Variants in DOCK8 observed in about 807,000 individuals in gnomAD.
DOCK8 encodes the protein dedicator of cytokinesis protein 8.
DOCK8 carries 141 observed loss-of-function variants against 245.6 expected under a neutral mutation model. The ratio of observed to expected loss-of-function variants is 0.57; its 90% confidence interval spans 0.50 to 0.66. The LOEUF is 0.66. Among genes scored for constraint, DOCK8 ranks in the 30% least tolerant of loss-of-function variants. The pLI, the probability that DOCK8 is intolerant of heterozygous loss-of-function variation, is 0.00. For synonymous variants in DOCK8, 1,168 were observed against 970.2 expected, an observed-to-expected ratio of 1.20 and a Z score of -3.79; for missense variants, 2,965 against 2,603.4, an observed-to-expected ratio of 1.14 and a Z score of -3.02.
chr9:464,221 A>AATT lies in DOCK8; in HGVS notation c.*3_*4insTTA. 1 of 1,613,348 alleles carries AATT rather than the reference A, an allele frequency of 6.2e-7. No individual in the cohort carries two copies. Among genetic ancestry groups the AATT allele is most frequent in the Non-Finnish European group, 8.5e-7 (1 of 1,179,246 alleles). ...ACCCAGTTGTCACAGGGCAGCTAAGAAAAGCCATCTTCATTCGTGGAGACT... is the reference window on the plus strand; with the variant it reads ...ACCCAGTTGTCACAGGGCAGCTAAGAATTAAAGCCATCTTCATTCGTGGAGACT... On this transcript the variant is annotated 3_prime_UTR_variant, in exon 48 of 48. Coordinates refer to ENST00000432829, the MANE Select transcript of DOCK8 (RefSeq NM_203447.4).
chr9:214,576 C>G, upstream of DOCK8: 1 of 1,614,098 alleles, frequency 6.2e-7, no homozygotes, highest in Non-Finnish European at 8.5e-7. Flanking sequence ...GCCTACATTC[C>G]CTGGCAGCCT....
intron 1 of DOCK8, among the ~76,000 whole-genome samples, chr9:217,407 G>T (rs188515638): frequency 1.3e-5 from 2 of 152,122 alleles, no homozygotes; most frequent in African/African-American, 4.8e-5. Context: ...GTGTTTCTCC[G>T]CCTGTGCCTT....
At chr9:238,129 A>G (rs2047300686) in intron 1 of DOCK8, among the ~76,000 whole-genome samples, 1 of 152,184 alleles carries the variant, frequency 6.6e-6, no homozygotes, top group Non-Finnish European at 1.5e-5. Context: ...AGACTGCCTT[A>G]TTCATGTTGG....
At chr9:463,157 TGAGGTA>T (rs1426973501) in intron 46 of DOCK8, among the ~76,000 whole-genome samples, 2 of 152,018 alleles carry the variant, frequency 1.3e-5, no homozygotes, top group East Asian at 3.9e-4. Context: ...CCCAGGAGGC[TGAGGTA>T]GGAGGATCAC....
At chr9:302,143 A>G (rs2049582630) in intron 4 of DOCK8, among the ~76,000 whole-genome samples, 1 of 152,234 alleles carries the variant, frequency 6.6e-6, no homozygotes, top group African/African-American at 2.4e-5. Flanking sequence ...TCCAGGTACA[A>G]AAACAGACAC....
At position 323,106 on chromosome 9, in the gene DOCK8, AAAG is replaced by A. The variant is rs1209359748; in HGVS notation, c.828-2562_828-2560del. 4.6e-5 allele frequency among the ~76,000 whole-genome samples: 7 copies of A among 151,552 alleles called. No homozygotes were observed. In the East Asian group the frequency reaches 5.8e-4, roughly 13 times the overall value. ...AAAACTCCATCTCAAAAAAAAAAAA[AAAG>A]AAAGCCCCCAATTAATGTGCAATTA... is the stretch of plus-strand genomic sequence containing the variant. On this transcript the variant is annotated intron_variant, in intron 7 of 47. Transcript: ENST00000432829.
intron 30 of DOCK8, among the ~76,000 whole-genome samples, chr9:419,960 C>T (rs1430970056): frequency 1.3e-5 from 2 of 152,262 alleles, no homozygotes; most frequent in Non-Finnish European, 2.9e-5. Flanking sequence ...CAAGCTTATT[C>T]ATGGCACCCA....
chr9:422,106 T>C lies in DOCK8; in HGVS notation c.4212T>C (p.His1404=), dbSNP rs754912109. The change falls in exon 33 of 48, where the codon CAT becomes CAC. Residue 1404 remains histidine (H), a synonymous_variant. Transcript: ENST00000432829. ...ENLRWKKEQT[H]WRQANEKLDK... ...TGAGATGGAAGAAAGAGCAGACACA[T>C]TGGCGGCAAGCTAATGAGAAGCTAG... 5.0e-6 allele frequency: 8 copies of C among 1,614,130 alleles called. No homozygotes were observed. The highest frequency in any genetic ancestry group is 2.2e-5 in the East Asian group (1 of 44,886).
At chr9:319,623 T>C (rs1191231311) in intron 7 of DOCK8, among the ~76,000 whole-genome samples, 1 of 152,222 alleles carries the variant, frequency 6.6e-6, no homozygotes. Context: ...TACATTGATA[T>C]GTAGGATTCT....
intron 22 of DOCK8, 50 bp from the exon 23 acceptor site, chr9:386,281 T>C (rs1294639077): frequency 1.3e-6 from 2 of 1,529,004 alleles, no homozygotes; most frequent in South Asian, 1.1e-5. Flanking sequence ...GATGTCTGGC[T>C]TACCTTTCCA....
At chr9:453,735 T>C (rs1013968787) in intron 46 of DOCK8, among the ~76,000 whole-genome samples, 1 of 152,196 alleles carries the variant, frequency 6.6e-6, no homozygotes, top group African/African-American at 2.4e-5. Flanking sequence ...CCCTATTTTT[T>C]ATTTTTTGTG....
At chr9:325,565 G>A (rs773290972) in intron 7 of DOCK8, 106 bp from the exon 8 acceptor site, 14 of 910,348 alleles carry the variant, frequency 1.5e-5, no homozygotes, top group East Asian at 1.2e-4. Context: ...CAAATATTTC[G>A]GGAAACTGCT....
At chr9:368,231 T>A (rs765587177) in intron 15 of DOCK8, 96 bp downstream of exon 15, 2 of 1,060,866 alleles carry the variant, frequency 1.9e-6, no homozygotes, top group Admixed American at 3.4e-5. Context: ...ACAAAGTCCG[T>A]CTATTCCAGG....
intron 12 of DOCK8, among the ~76,000 whole-genome samples, chr9:338,556 G>A (rs1225010431): frequency 6.6e-6 from 1 of 152,202 alleles, no homozygotes; most frequent in Non-Finnish European, 1.5e-5. Context: ...GGGCATATGT[G>A]GGGGTGGACA....
intron 1 of DOCK8, among the ~76,000 whole-genome samples, chr9:270,332 A>G (rs1164386699): frequency 1.3e-5 from 2 of 152,074 alleles, no homozygotes; most frequent in Non-Finnish European, 2.9e-5. Context: ...TCTTCTCTCC[A>G]TTTGTCATTC....
At chr9:448,327 C>G (rs538949945) in intron 44 of DOCK8, among the ~76,000 whole-genome samples, 1 of 152,310 alleles carries the variant, frequency 6.6e-6, no homozygotes, top group Admixed American at 6.5e-5. Context: ...AGTCTGGTCT[C>G]AAACTGTTGG....
intron 14 of DOCK8, among the ~76,000 whole-genome samples, chr9:345,867 G>A (rs1210388747): frequency 2.0e-5 from 3 of 152,094 alleles, no homozygotes; most frequent in Admixed American, 2.0e-4. Flanking sequence ...GATGAGTTCT[G>A]GTAGAACTGG....
At chr9:403,903 T>C (rs1457612522) in intron 26 of DOCK8, among the ~76,000 whole-genome samples, 14 of 82,696 alleles carry the variant, frequency 1.7e-4, no homozygotes, top group African/African-American at 5.6e-4. Flanking sequence ...TATATATATA[T>C]ATATATATAT....
chr9:383,695 C>T lies in DOCK8; in HGVS notation c.2778+1010C>T, dbSNP rs1446902116. On this transcript the variant is annotated intron_variant, in intron 22 of 47. Coordinates refer to ENST00000432829, the MANE Select transcript of DOCK8 (RefSeq NM_203447.4). ...AGCTTGAGCTACAAGAGTGAGACTC[C>T]GTCTCAAAAAAAAAAAAAAAAAAAA... is the stretch of plus-strand genomic sequence containing the variant. 9.3e-5 allele frequency among the ~76,000 whole-genome samples: 8 copies of T among 86,440 alleles called. No homozygotes were observed. The East Asian group carries it at 1.2e-3, about 13-fold the overall frequency. 56.7% of individuals were successfully genotyped at this position (86,440 alleles called of 152,430 possible). A position where few individuals can be genotyped will look rare whatever the true frequency, so the allele number is the denominator to read the frequency against.
Sources: allele counts gnomAD v4.1 joint callset (sites outside exome capture counted in the v4.1 genomes callset), GRCh38; gene constraint gnomAD v4.1.1; transcripts MANE v1.5; gene names NCBI Gene and HGNC (gene_info 2026-07-23, HGNC 2026-07-21).